The following DNAH7 variants were observed in gnomAD, a reference collection of about 807,000 sequenced individuals.
DNAH7 encodes the protein dynein axonemal heavy chain 7, also known as axonemal beta dynein heavy chain 7.
In DNAH7, 397 loss-of-function variants were observed where a neutral mutation model predicts 444.6. The observed-to-expected ratio is 0.89, with a 90% confidence interval of 0.82 to 0.97. The LOEUF is 0.97. Among genes scored for constraint, DNAH7 ranks in the 50% least tolerant of loss-of-function variants. DNAH7 has a pLI of 0.00. For missense variants in DNAH7, 4,902 were observed against 4,800.8 expected, an observed-to-expected ratio of 1.02 and a Z score of -0.62; for synonymous variants, 1,636 against 1,624.4, an observed-to-expected ratio of 1.01 and a Z score of -0.17.
At chr2:195,812,087 A>T (rs1696997621) in intron 51 of DNAH7, among the ~76,000 whole-genome samples, 1 of 152,130 alleles carries the variant, frequency 6.6e-6, no homozygotes, top group South Asian at 2.1e-4. Context: ...CACCTAGACC[A>T]GCAACTCCTC....
intron 47 of DNAH7, among the ~76,000 whole-genome samples, chr2:195,835,332 C>A (rs1698296907): frequency 7.8e-6 from 1 of 128,410 alleles, no homozygotes; most frequent in African/African-American, 2.9e-5. Context: ...AGAGCCAATT[C>A]ATTTAGGTCA....
At chr2:195,832,858 A>G (rs1698139993) in intron 48 of DNAH7, among the ~76,000 whole-genome samples, 1 of 152,230 alleles carries the variant, frequency 6.6e-6, no homozygotes, top group South Asian at 2.1e-4. Context: ...TGATACACAT[A>G]AATCATACAG....
chr2:196,021,636 A>G (rs1695388330), intron 8 of DNAH7, among the ~76,000 whole-genome samples: 1 of 151,772 alleles, frequency 6.6e-6, no homozygotes, highest in African/African-American at 2.4e-5. Context: ...CCTGGGCAAC[A>G]TAGGGAGATT....
chr2:195,919,010 G>A (rs1687856147), intron 24 of DNAH7, among the ~76,000 whole-genome samples: 1 of 152,116 alleles, frequency 6.6e-6, no homozygotes, highest in South Asian at 2.1e-4. Flanking sequence ...CAGCACTTTG[G>A]GAGCCCGAGG....
chr2:196,003,039 A>C (rs1270368339), intron 10 of DNAH7, among the ~76,000 whole-genome samples: 1 of 151,762 alleles, frequency 6.6e-6, no homozygotes, highest in African/African-American at 2.4e-5. Flanking sequence ...TGGTATCATC[A>C]TTTCTCTCAT....
chr2:195,844,843 TTAA>T (rs1698891100), intron 47 of DNAH7, among the ~76,000 whole-genome samples, 156 bp downstream of exon 47: 1 of 152,198 alleles, frequency 6.6e-6, no homozygotes, highest in African/African-American at 2.4e-5. Context: ...TATTATAATA[TTAA>T]TAAGAGAAGG....
chr2:195,857,408 T>C lies in DNAH7; in HGVS notation c.8383A>G (p.Lys2795Glu), dbSNP rs748035811. 2.5e-6 allele frequency: 4 copies of C among 1,603,272 alleles called. No individual in the cohort carries two copies. The Admixed American group carries it at 6.9e-5, about 27-fold the overall frequency. ...NASTAAEGLC[K>E]WVIAMDSYDK... ...TATGAATCCATTGCTATGACCCATTTGCACAGACCTTCGGCCGCTGTAGAA... is the reference window on the plus strand; with the variant it reads ...TATGAATCCATTGCTATGACCCATTCGCACAGACCTTCGGCCGCTGTAGAA... Residue 2795 changes from lysine (K) to glutamate (E), a missense_variant, in exon 44 of 65, where the codon AAA becomes GAA. By Grantham distance (56) the Lys-to-Glu change is moderately conservative (BLOSUM62 1). Coordinates refer to ENST00000312428, the MANE Select transcript of DNAH7 (RefSeq NM_018897.3).
At chr2:195,907,134 T>C (rs1388565496) in intron 25 of DNAH7, 125 bp from the exon 26 acceptor site, 29 of 685,976 alleles carry the variant, frequency 4.2e-5, no homozygotes, top group Non-Finnish European at 6.5e-5. Context: ...TATTCGCCTT[T>C]ATCTTTAAAG....
Position 195,908,854 on chromosome 2 carries a change from T to C in DNAH7, c.4104+1173A>G, listed in dbSNP as rs567556668. The stretch of plus-strand genomic sequence containing the variant: ...AAAGTTCTAATTCTAATTGTTCCAG[T>C]ATCACAAATGGAAAGTAATTAAACT... On this transcript the variant is annotated intron_variant, in intron 25 of 64. Coordinates refer to ENST00000312428, the MANE Select transcript of DNAH7 (RefSeq NM_018897.3). Among the ~76,000 whole-genome samples the C allele has an allele frequency of 4.6e-5, 7 of 152,308 alleles. No homozygotes were observed. The South Asian group carries it at 1.4e-3, about 32-fold the overall frequency.
At chr2:195,771,564 G>C (rs937278677) in intron 61 of DNAH7, 96 bp downstream of exon 61, 11 of 908,706 alleles carry the variant, frequency 1.2e-5, no homozygotes, top group Non-Finnish European at 1.9e-5. Flanking sequence ...ACCCAAAACA[G>C]TGCTTATACA....
intron 31 of DNAH7, among the ~76,000 whole-genome samples, chr2:195,890,427 A>C (rs1429897491): frequency 6.6e-6 from 1 of 152,216 alleles, no homozygotes; most frequent in Non-Finnish European, 1.5e-5. Flanking sequence ...TGAACTACTT[A>C]AACTCCCTGA....
Position 195,934,628 on chromosome 2 carries a change from A to G in DNAH7, c.3434T>C (p.Val1145Ala), listed in dbSNP as rs746463782. 3 of 1,614,066 alleles carry G rather than the reference A, an allele frequency of 1.9e-6. No individual in the cohort carries two copies. Among genetic ancestry groups the G allele is most frequent in the Non-Finnish European group, 2.5e-6 (3 of 1,179,972 alleles). The change falls in exon 21 of 65, where the codon GTT becomes GCT. Residue 1145 changes from valine to alanine, a missense_variant. Physicochemically the swap from Val to Ala is moderately conservative, Grantham distance 64. Transcript: ENST00000312428. ...GTTAATCATAACTCTCTCTAATTCA[A>G]CCAACCACTTCTCCACTTGACCTCT... ...KARGQVEKWL[V>A]ELERVMINSI...
chr2:195,956,650 CA>C (rs34080750), intron 19 of DNAH7, among the ~76,000 whole-genome samples: 3,875 of 125,162 alleles, frequency 0.031, 235 homozygotes, highest in East Asian at 0.3. Flanking sequence ...GACTCTGTCT[CA>C]AAAAAAAAAA....
rs188603243 is a variant in DNAH7 at position 195,876,484 on chromosome 2, C to T, written c.6117+60G>A. On this transcript the variant is annotated intron_variant, in intron 37 of 64. Coordinates refer to ENST00000312428, the MANE Select transcript of DNAH7 (RefSeq NM_018897.3). ...GTCTCTCCCCAGGATATTTGGTTTCCTTGTTCCAACTGCAGCAATGTATAT... is the reference window on the plus strand; with the variant it reads ...GTCTCTCCCCAGGATATTTGGTTTCTTTGTTCCAACTGCAGCAATGTATAT... 72 of 1,504,852 alleles carry T rather than the reference C, an allele frequency of 4.8e-5. No homozygotes were observed. In the East Asian group the frequency reaches 1.5e-3, roughly 30 times the overall value. 93.2% of individuals were successfully genotyped at this position (1,504,852 alleles called of 1,614,324 possible).
intron 63 of DNAH7, among the ~76,000 whole-genome samples, chr2:195,746,055 A>C (rs371478859): frequency 6.6e-6 from 1 of 152,240 alleles, no homozygotes; most frequent in Non-Finnish European, 1.5e-5. Flanking sequence ...ACAGACTGGC[A>C]AATTGGATAA....
At position 196,001,663 on chromosome 2, in the gene DNAH7, A is replaced by G; in HGVS notation, c.1173+12T>C. On this transcript the variant is annotated intron_variant, in intron 11 of 64. Transcript: ENST00000312428. ...TTTGTAAATACATATTGGTGAACTG[A>G]ACCATACTTACTGGGGGTTGTGCAA... 1 of 1,532,376 alleles carries G rather than the reference A, an allele frequency of 6.5e-7. No homozygotes were observed. Among genetic ancestry groups the G allele is most frequent in the Non-Finnish European group, 8.8e-7 (1 of 1,140,170 alleles). 94.9% of individuals were successfully genotyped at this position (1,532,376 alleles called of 1,614,324 possible).
intron 5 of DNAH7, among the ~76,000 whole-genome samples, chr2:196,033,072 C>G (rs1480320939): frequency 2.0e-5 from 3 of 152,122 alleles, no homozygotes; most frequent in Admixed American, 6.5e-5. Flanking sequence ...ATGATAAAAT[C>G]TCTCAACAAA....
chr2:196,035,860 G>C (rs1329623471), intron 5 of DNAH7, among the ~76,000 whole-genome samples: 1 of 152,074 alleles, frequency 6.6e-6, no homozygotes, highest in African/African-American at 2.4e-5. Context: ...GCCTAGTATA[G>C]GGTGCTGCAT....
At chr2:195,903,004 TTTG>T (rs1686800070) in intron 27 of DNAH7, 1 of 152,132 alleles carries the variant, frequency 6.6e-6, no homozygotes. Context: ...AGTGACATAG[TTTG>T]TTGAGTGTGA....
Sources: gnomAD v4.1 joint callset for allele counts (sites outside exome capture counted in the v4.1 genomes callset) on GRCh38, gnomAD v4.1.1 for gene constraint, MANE v1.5 for transcripts, NCBI Gene and HGNC (gene_info 2026-07-23, HGNC 2026-07-21) for gene names.